The following CHCHD3 variants were observed in gnomAD, a reference collection of about 807,000 sequenced individuals.
The protein encoded by CHCHD3 is MICOS complex subunit MIC19.
A neutral mutation model predicts 38.2 loss-of-function variants in CHCHD3; 20 were observed. The ratio of observed to expected loss-of-function variants is 0.52; its 90% CI spans 0.37 to 0.76. CHCHD3 has a LOEUF of 0.76. CHCHD3 is among the 30% of genes least tolerant of loss of function. The pLI, the probability that CHCHD3 is intolerant of heterozygous loss-of-function variation, is 0.00. For missense variants in CHCHD3, 245 were observed against 279.2 expected (o/e 0.88, Z 0.87); for synonymous variants, 82 against 100.0 (o/e 0.82, Z 1.07).
intron 3 of CHCHD3, among the ~76,000 whole-genome samples, chr7:133,008,585 A>G (rs1211923909): frequency 1.3e-5 from 2 of 152,182 alleles, no homozygotes; most frequent in Non-Finnish European, 2.9e-5. Flanking sequence ...TGTTACATAC[A>G]TACATATATA....
At chr7:132,856,262 C>T (rs931306306) in intron 5 of CHCHD3, among the ~76,000 whole-genome samples, 8 of 152,144 alleles carry the variant, frequency 5.3e-5, no homozygotes, top group African/African-American at 1.2e-4. Flanking sequence ...AAAGCATATG[C>T]GTTCTGTTAG....
intron 2 of CHCHD3, chr7:133,034,892 A>T (rs1584661109): frequency 6.2e-7 from 1 of 1,610,144 alleles, no homozygotes; most frequent in East Asian, 2.2e-5. Context: ...GGAACATTCC[A>T]GTGATGAGAT....
intron 5 of CHCHD3, among the ~76,000 whole-genome samples, chr7:132,884,859 A>G (rs1809164564): frequency 1.3e-5 from 2 of 152,172 alleles, no homozygotes; most frequent in South Asian, 4.1e-4. Context: ...TCCTTCTCCT[A>G]ACTCATGTTT....
At chr7:133,007,417 T>A (rs1001897634) in intron 3 of CHCHD3, among the ~76,000 whole-genome samples, 4 of 152,220 alleles carry the variant, frequency 2.6e-5, no homozygotes, top group African/African-American at 9.6e-5. Context: ...CAGTTTTAAA[T>A]CTTAGTTTTA....
At position 133,081,892 on chromosome 7, in the gene CHCHD3, C is replaced by T. The variant is rs866971329; in HGVS notation, c.46G>A (p.Glu16Lys). The change falls in exon 1 of 8, where the codon GAG (glutamate) becomes AAG (lysine). Residue 16 changes from glutamate (E) to lysine (K), a missense_variant. Transcript: ENST00000262570. ...TTCACCACGGTGATGTTCTCATTCT[C>T]GTCCGCCTCGAAGGTGACCCGGCGG... ...STRRVTFEAD[E>K]NENITVVKGI... 14 of 1,559,224 alleles carry T rather than the reference C, an allele frequency of 9.0e-6. No individual in the cohort carries two copies. Among genetic ancestry groups the T allele is most frequent in the Non-Finnish European group, 1.1e-5 (13 of 1,151,054 alleles).
intron 3 of CHCHD3, among the ~76,000 whole-genome samples, chr7:133,009,042 C>T (rs1208988392): frequency 6.6e-6 from 1 of 151,374 alleles, no homozygotes; most frequent in East Asian, 1.9e-4. Flanking sequence ...ATACAAGAGG[C>T]CAAGAAGCAA....
chr7:132,896,457 G>A (rs1414417720), intron 4 of CHCHD3, among the ~76,000 whole-genome samples: 2 of 152,138 alleles, frequency 1.3e-5, no homozygotes, highest in African/African-American at 4.8e-5. Flanking sequence ...ATGTTACAAA[G>A]TAACATGACA....
At chr7:132,821,911 C>T (rs1014458255) in intron 6 of CHCHD3, among the ~76,000 whole-genome samples, 30 of 151,872 alleles carry the variant, frequency 2.0e-4, no homozygotes, top group Middle Eastern at 3.4e-3. Context: ...TACAGGCGCC[C>T]GCCACCGCGC....
intron 4 of CHCHD3, among the ~76,000 whole-genome samples, chr7:132,951,543 G>A (rs1443183502): frequency 1.3e-5 from 2 of 152,112 alleles, no homozygotes; most frequent in East Asian, 3.9e-4. Context: ...ACTGTGCATG[G>A]TTATACCATA....
At chr7:132,867,331 ATGT>A (rs1331487555) in intron 5 of CHCHD3, among the ~76,000 whole-genome samples, 4 of 152,214 alleles carry the variant, frequency 2.6e-5, no homozygotes, top group African/African-American at 9.6e-5. Flanking sequence ...TTACATTAAA[ATGT>A]TGTTAAAGTC....
intron 5 of CHCHD3, among the ~76,000 whole-genome samples, chr7:132,864,673 C>A (rs987069865): frequency 6.6e-6 from 1 of 152,014 alleles, no homozygotes; most frequent in African/African-American, 2.4e-5. Context: ...GAGAAATGTA[C>A]CCCAAGTCTA....
chr7:132,873,053 G>A (rs10276601), intron 5 of CHCHD3, among the ~76,000 whole-genome samples: 1,624 of 152,066 alleles, frequency 0.011, 32 homozygotes, highest in African/African-American at 0.034. Context: ...TCGCACCACT[G>A]CACTCCAGCC....
intron 2 of CHCHD3, among the ~76,000 whole-genome samples, chr7:133,051,171 C>A (rs10226377): frequency 0.38 from 58,377 of 151,980 alleles, 11,424 homozygotes; most frequent in East Asian, 0.54. Context: ...CACCTGCTAG[C>A]TTTAAACTTC....
At chr7:132,918,025 C>T (rs1810159910) in intron 4 of CHCHD3, among the ~76,000 whole-genome samples, 1 of 152,070 alleles carries the variant, frequency 6.6e-6, no homozygotes, top group African/African-American at 2.4e-5. Context: ...ATAGGGACAA[C>T]ACGGTGAAGA....
chr7:132,953,176 C>T (rs1562919233), intron 4 of CHCHD3, among the ~76,000 whole-genome samples: 1 of 152,100 alleles, frequency 6.6e-6, no homozygotes, highest in African/African-American at 2.4e-5. Flanking sequence ...CGTAACTTTC[C>T]GCGGCCTTAC....
chr7:133,028,640 A>T (rs1032646466), intron 2 of CHCHD3, among the ~76,000 whole-genome samples: 1 of 151,922 alleles, frequency 6.6e-6, no homozygotes, highest in African/African-American at 2.4e-5. Context: ...TAATCCCAAC[A>T]CTCTGAGAGG....
chr7:132,880,941 A>G (rs1377848187), intron 5 of CHCHD3, among the ~76,000 whole-genome samples: 1 of 152,188 alleles, frequency 6.6e-6, no homozygotes, highest in Non-Finnish European at 1.5e-5. Context: ...AATTAATACT[A>G]TCTATGTCTC....
intron 6 of CHCHD3, among the ~76,000 whole-genome samples, chr7:132,803,148 A>G (rs1408856468): frequency 1.3e-5 from 2 of 152,180 alleles, no homozygotes; most frequent in East Asian, 3.9e-4. Flanking sequence ...ATCACAGCCC[A>G]TAGAAGTAGC....
At chr7:132,852,065 G>A (rs1008354720) in intron 5 of CHCHD3, among the ~76,000 whole-genome samples, 1 of 152,018 alleles carries the variant, frequency 6.6e-6, no homozygotes, top group East Asian at 1.9e-4. Context: ...ACAAACATTA[G>A]CTCCTTTAAC....
Sources: allele counts gnomAD v4.1 joint callset (sites outside exome capture counted in the v4.1 genomes callset), GRCh38; gene constraint gnomAD v4.1.1; transcripts MANE v1.5; gene names NCBI Gene and HGNC (gene_info 2026-07-23, HGNC 2026-07-21).